PCSK5: variants seen among roughly 807,000 people sequenced by gnomAD.
PCSK5 encodes the protein proprotein convertase subtilisin/kexin type 5.
PCSK5 carries 129 observed loss-of-function variants against 233.2 expected under a neutral mutation model. The ratio of observed to expected loss-of-function variants is 0.55; its 90% confidence interval spans 0.48 to 0.64. The LOEUF (loss-of-function observed/expected upper bound fraction) is 0.64. Among genes scored for constraint, PCSK5 ranks in the 30% least tolerant of loss-of-function variants. The pLI is 0.00. For missense variants in PCSK5, 2,076 were observed against 2,430.1 expected, an observed-to-expected ratio of 0.85 and a Z score of 3.06; for synonymous variants, 825 against 879.2, an observed-to-expected ratio of 0.94 and a Z score of 1.09.
At chr9:76,221,944 T>C (rs941403181) in intron 20 of PCSK5, among the ~76,000 whole-genome samples, 1 of 152,058 alleles carries the variant, frequency 6.6e-6, no homozygotes, top group Non-Finnish European at 1.5e-5. Flanking sequence ...AAACAGAATA[T>C]GCAGGAAGGA....
intron 24 of PCSK5, 133 bp downstream of exon 24, chr9:76,240,817 G>A (rs936375007): frequency 1.2e-5 from 8 of 663,940 alleles, no homozygotes; most frequent in Non-Finnish European, 1.6e-5. Context: ...AACGTCTTAA[G>A]TAGGCTTTCT....
chr9:76,214,977 C>T (rs1257782106), intron 20 of PCSK5, among the ~76,000 whole-genome samples: 1 of 152,236 alleles, frequency 6.6e-6, no homozygotes, highest in Non-Finnish European at 1.5e-5. Context: ...GCAAGTCTAT[C>T]ATTCATGCTA....
intron 2 of PCSK5, among the ~76,000 whole-genome samples, chr9:75,976,351 C>T (rs1307033175): frequency 6.6e-6 from 1 of 151,538 alleles, no homozygotes; most frequent in Non-Finnish European, 1.5e-5. Flanking sequence ...CTCTCTCTCT[C>T]TTTACATAAA....
chr9:76,328,589 C>T (rs2131474129), intron 33 of PCSK5, among the ~76,000 whole-genome samples: 1 of 152,176 alleles, frequency 6.6e-6, no homozygotes, highest in African/African-American at 2.4e-5. Flanking sequence ...TTTTCGAAGC[C>T]ATTTGAAGGC....
chr9:76,165,286 A>G lies in PCSK5; in HGVS notation c.1620-4418A>G, dbSNP rs1476705769. 2.0e-5 allele frequency among the ~76,000 whole-genome samples: 3 copies of G among 152,214 alleles called. 1 individual carries two copies. On this transcript the variant is annotated intron_variant, in intron 12 of 37. Transcript: ENST00000674117. The stretch of plus-strand genomic sequence containing the variant: ...CTGTAGTGGACATAAATACCATTTG[A>G]ATAGTAGTGGATGATTCTGAAATTA...
chr9:76,167,317 G>A (rs1234485860), intron 12 of PCSK5, among the ~76,000 whole-genome samples: 1 of 152,154 alleles, frequency 6.6e-6, no homozygotes, highest in African/African-American at 2.4e-5. Flanking sequence ...CCCCATTATG[G>A]AAATTGATAA....
At chr9:76,298,786 A>G (rs1398112476) in intron 27 of PCSK5, among the ~76,000 whole-genome samples, 1 of 152,226 alleles carries the variant, frequency 6.6e-6, no homozygotes, top group African/African-American at 2.4e-5. Context: ...CAGGCAAATT[A>G]CAGAGTGTTT....
At chr9:75,975,563 C>G (rs1210129989) in intron 2 of PCSK5, among the ~76,000 whole-genome samples, 1 of 152,124 alleles carries the variant, frequency 6.6e-6, no homozygotes, top group African/African-American at 2.4e-5. Flanking sequence ...TAAAGCTCCT[C>G]TTTGTATTCA....
intron 7 of PCSK5, among the ~76,000 whole-genome samples, chr9:76,078,642 G>A (rs952438531): frequency 8.5e-5 from 13 of 152,192 alleles, no homozygotes; most frequent in African/African-American, 2.9e-4. Context: ...GTAGATGTGT[G>A]GCTTTATTTC....
rs574610194 is a variant in PCSK5, at chr9:75,923,756, A to T, written c.193-8623A>T. On this transcript the variant is annotated intron_variant, in intron 1 of 37. Coordinates refer to ENST00000674117, the MANE Select transcript of PCSK5 (RefSeq NM_001372043.1). ...CCAGAATTCCTAACCTAAAATTGAG[A>T]TACTGGCAGAGCTGTGCTCCTTCAG... Among the ~76,000 whole-genome samples the T allele has an allele frequency of 1.4e-3, 217 of 152,264 alleles. 2 individuals are homozygous for T. Among genetic ancestry groups the T allele is most frequent in the African/African-American group, 5.1e-3 (210 of 41,552 alleles).
intron 8 of PCSK5, among the ~76,000 whole-genome samples, chr9:76,101,313 ACTT>A (rs992334946): frequency 6.6e-5 from 10 of 152,260 alleles, no homozygotes; most frequent in East Asian, 1.9e-4. Flanking sequence ...TTTCAGAGAA[ACTT>A]CTTCTGTCGG....
chr9:76,173,072 C>G (rs1312764141), intron 13 of PCSK5, among the ~76,000 whole-genome samples: 1 of 152,150 alleles, frequency 6.6e-6, no homozygotes, highest in Non-Finnish European at 1.5e-5. Context: ...CCAATCTGTC[C>G]TCTTATTGCC....
intron 11 of PCSK5, among the ~76,000 whole-genome samples, chr9:76,158,281 T>G (rs1009052240): frequency 1.3e-5 from 2 of 152,178 alleles, no homozygotes; most frequent in African/African-American, 2.4e-5. Context: ...GAGGGGAAAT[T>G]TAAGCTTTGA....
Position 76,357,904 on chromosome 9 carries a change from A to C in PCSK5, c.5255-609A>C, listed in dbSNP as rs144988295. Among the ~76,000 whole-genome samples, 405 of 152,358 alleles carry C rather than the reference A, an allele frequency of 2.7e-3. 12 individuals carry two copies. In the East Asian group the frequency reaches 0.044, roughly 16 times the overall value. On this transcript the variant is annotated intron_variant, in intron 37 of 37. Transcript: ENST00000674117. Reference sequence around the variant, plus strand: ...AGTGGTGGGACAGTCATGTTGGCCCAGACTTAAGGGTACCTTGGGAGAGGA... The same window carrying C: ...AGTGGTGGGACAGTCATGTTGGCCCCGACTTAAGGGTACCTTGGGAGAGGA...
chr9:76,060,443 G>A (rs974698513), intron 5 of PCSK5, among the ~76,000 whole-genome samples: 35 of 152,150 alleles, frequency 2.3e-4, no homozygotes, highest in African/African-American at 7.9e-4. Flanking sequence ...CATCCTCATC[G>A]CCTTCATATT....
chr9:76,255,959 T>C (rs1826969342), intron 24 of PCSK5, among the ~76,000 whole-genome samples: 1 of 152,254 alleles, frequency 6.6e-6, no homozygotes, highest in Non-Finnish European at 1.5e-5. Flanking sequence ...GACTTAGGAC[T>C]GTCTGGCTCC....
At chr9:76,274,343 A>C (rs1199219115) in intron 24 of PCSK5, among the ~76,000 whole-genome samples, 1 of 152,010 alleles carries the variant, frequency 6.6e-6, no homozygotes, top group Non-Finnish European at 1.5e-5. Flanking sequence ...TTTCTTTAAA[A>C]ATTTTAAATA....
intron 2 of PCSK5, among the ~76,000 whole-genome samples, chr9:75,962,181 G>A (rs191742633): frequency 6.6e-6 from 1 of 152,322 alleles, no homozygotes; most frequent in East Asian, 1.9e-4. Context: ...TCTGAGTGGA[G>A]TTGAGGATTG....
At chr9:75,974,248 T>C (rs866544802) in intron 2 of PCSK5, among the ~76,000 whole-genome samples, 5 of 152,286 alleles carry the variant, frequency 3.3e-5, no homozygotes, top group South Asian at 2.1e-4. Flanking sequence ...CCCGTAGGGC[T>C]GGCGTAGGAC....
Sources: allele counts gnomAD v4.1 joint callset (sites outside exome capture counted in the v4.1 genomes callset), GRCh38; gene constraint gnomAD v4.1.1; transcripts MANE v1.5; gene names NCBI Gene and HGNC (gene_info 2026-07-23, HGNC 2026-07-21).